Variants in GNA14 observed in about 807,000 individuals in gnomAD.
The protein encoded by GNA14 is guanine nucleotide-binding protein subunit alpha-14.
Under a neutral mutation model 42.0 loss-of-function variants are expected in GNA14, and 50 were observed. That is an observed-to-expected ratio of 1.19 (90% CI 0.95 to 1.51). GNA14 has a LOEUF of 1.51. Among genes scored for constraint, GNA14 ranks in the 40% most tolerant of loss-of-function variants. The pLI, the probability that GNA14 is intolerant of heterozygous loss-of-function variation, is 0.00. For missense variants in GNA14, 473 were observed against 446.2 expected (o/e 1.06, Z -0.54); for synonymous variants, 173 against 163.1 (o/e 1.06, Z -0.46).
chr9:77,463,758 A>C (rs962570212), intron 2 of GNA14, among the ~76,000 whole-genome samples: 2 of 146,426 alleles, frequency 1.4e-5, no homozygotes, highest in East Asian at 3.9e-4. Flanking sequence ...AGGAACCCCC[A>C]CCAAGGACAG....
chr9:77,475,042 T>TTTTTTTTTTTTTTTTTTTTTTTTTTG (rs1323015257), intron 2 of GNA14, among the ~76,000 whole-genome samples: 1 of 151,632 alleles, frequency 6.6e-6, no homozygotes, highest in Admixed American at 6.6e-5. Context: ...GTGTTTCTTT[T>TTTTTTTTTTTTTTTTTTTTTTTTTTG]ATGGGGGACA....
intron 2 of GNA14, among the ~76,000 whole-genome samples, chr9:77,471,959 G>C (rs1233801943): frequency 6.6e-6 from 1 of 152,132 alleles, no homozygotes. Flanking sequence ...AGCCTATTGG[G>C]GTTGTTTGGA....
At chr9:77,546,343 T>TC (rs1413489033) in intron 1 of GNA14, among the ~76,000 whole-genome samples, 1 of 150,634 alleles carries the variant, frequency 6.6e-6, no homozygotes, top group African/African-American at 2.4e-5. Context: ...AAATATACCC[T>TC]CCCCTTGTAA....
At chr9:77,550,818 C>T (rs1837778241) in intron 1 of GNA14, among the ~76,000 whole-genome samples, 1 of 152,146 alleles carries the variant, frequency 6.6e-6, no homozygotes, top group African/African-American at 2.4e-5. Flanking sequence ...CAAAATTATT[C>T]ACAGGGTAAA....
intron 2 of GNA14, among the ~76,000 whole-genome samples, chr9:77,528,351 A>G (rs1266011674): frequency 6.6e-6 from 1 of 152,176 alleles, no homozygotes; most frequent in East Asian, 1.9e-4. Context: ...CTTATTTCTA[A>G]TCTAGTTGCT....
chr9:77,544,400 C>A, intron 1 of GNA14, among the ~76,000 whole-genome samples: 1 of 152,100 alleles, frequency 6.6e-6, no homozygotes, highest in East Asian at 1.9e-4. Context: ...CAACTCATTT[C>A]ATTTGTAAGA....
At chr9:77,634,978 T>C (rs932441156) in intron 1 of GNA14, among the ~76,000 whole-genome samples, 4 of 151,548 alleles carry the variant, frequency 2.6e-5, no homozygotes, top group African/African-American at 9.8e-5. Flanking sequence ...GCATATAATA[T>C]CATACATTGG....
chr9:77,484,298 T>G (rs1418764653), intron 2 of GNA14, among the ~76,000 whole-genome samples: 1 of 152,200 alleles, frequency 6.6e-6, no homozygotes, highest in Non-Finnish European at 1.5e-5. Flanking sequence ...TTTATAATTC[T>G]GCCTCAAAGT....
chr9:77,438,419 C>T (rs1587760765), intron 2 of GNA14, among the ~76,000 whole-genome samples: 1 of 152,206 alleles, frequency 6.6e-6, no homozygotes, highest in East Asian at 1.9e-4. Flanking sequence ...AGGCACCCGC[C>T]ACCACCCCTG....
chr9:77,558,922 C>CAAACAAAA (rs1564053455), intron 1 of GNA14, among the ~76,000 whole-genome samples: 1 of 121,130 alleles, frequency 8.3e-6, no homozygotes, highest in Non-Finnish European at 1.7e-5. Flanking sequence ...TGTTAAAAAA[C>CAAACAAAA]AAAAAACAAA....
At chr9:77,527,655 C>T (rs1057229767) in intron 2 of GNA14, among the ~76,000 whole-genome samples, 5 of 152,070 alleles carry the variant, frequency 3.3e-5, no homozygotes, top group Non-Finnish European at 5.9e-5. Flanking sequence ...TTTTTTGAGA[C>T]GGAGTTTCGC....
chr9:77,493,405 CTGTACTG>C (rs1219211453), intron 2 of GNA14, among the ~76,000 whole-genome samples: 1 of 152,134 alleles, frequency 6.6e-6, no homozygotes, highest in African/African-American at 2.4e-5. Flanking sequence ...CCTATTTTGT[CTGTACTG>C]TGTACTCTGA....
At chr9:77,501,588 T>G (rs1012165762) in intron 2 of GNA14, among the ~76,000 whole-genome samples, 36 of 152,226 alleles carry the variant, frequency 2.4e-4, no homozygotes, top group Admixed American at 1.0e-3. Context: ...TTTAAAAATA[T>G]AGATCTAGCT....
At chr9:77,537,238 C>G (rs1349433767) in intron 1 of GNA14, among the ~76,000 whole-genome samples, 1 of 152,140 alleles carries the variant, frequency 6.6e-6, no homozygotes, top group Non-Finnish European at 1.5e-5. Context: ...CTCCCAACCA[C>G]ACCCCCTTCC....
intron 2 of GNA14, among the ~76,000 whole-genome samples, chr9:77,498,668 G>C (rs1836916098): frequency 6.6e-6 from 1 of 152,174 alleles, no homozygotes; most frequent in African/African-American, 2.4e-5. Context: ...GCTCTTGAGA[G>C]AACGCCATCC....
chr9:77,448,329 A>G (rs1053773272), intron 2 of GNA14, among the ~76,000 whole-genome samples: 3 of 152,222 alleles, frequency 2.0e-5, no homozygotes, highest in Non-Finnish European at 2.9e-5. Context: ...ACCATTCAGT[A>G]GAAACCATAT....
At position 77,423,773 on chromosome 9, in the gene GNA14, C is replaced by G. The variant is rs1440150669; in HGVS notation, c.*206G>C. 15 of 352,212 alleles carry G rather than the reference C, an allele frequency of 4.3e-5. No homozygotes were observed. In the East Asian group the frequency reaches 6.0e-4, roughly 14 times the overall value. 21.8% of individuals were successfully genotyped at this position (352,212 alleles called of 1,614,324 possible). ...AAAGTCAAGAAAATAATTATAAACA[C>G]AATTTGGGATGTAAGGACTTTTAAA... On this transcript the variant is annotated 3_prime_UTR_variant, in exon 7 of 7. Coordinates refer to ENST00000341700, the MANE Select transcript of GNA14 (RefSeq NM_004297.4).
chr9:77,457,595 CAT>C (rs1270019132), intron 2 of GNA14, among the ~76,000 whole-genome samples: 2 of 152,206 alleles, frequency 1.3e-5, no homozygotes, highest in African/African-American at 4.8e-5. Flanking sequence ...CACAAGGACA[CAT>C]GTGAGGTTGT....
chr9:77,624,227 C>A (rs1430399304), intron 1 of GNA14, among the ~76,000 whole-genome samples: 2 of 152,214 alleles, frequency 1.3e-5, no homozygotes, highest in Admixed American at 1.3e-4. Context: ...TAGATTCCTC[C>A]TCTCTGGACA....
Sources: gnomAD v4.1 joint callset for allele counts (sites outside exome capture counted in the v4.1 genomes callset) on GRCh38, gnomAD v4.1.1 for gene constraint, MANE v1.5 for transcripts, NCBI Gene and HGNC (gene_info 2026-07-23, HGNC 2026-07-21) for gene names.